Variants in UGGT2 observed in about 807,000 individuals in gnomAD.
UGGT2 encodes the protein UDP-glucose glycoprotein glucosyltransferase 2.
A neutral mutation model predicts 192.1 loss-of-function variants in UGGT2; 180 were observed. The ratio of observed to expected loss-of-function variants is 0.94; its 90% CI spans 0.83 to 1.06. The LOEUF is 1.06. Ranked by LOEUF, UGGT2 falls within the 50% of genes least tolerant of loss-of-function variation. The probability of loss-of-function intolerance (pLI) is 0.00; values close to 1 mark genes in which losing one functional copy is unlikely to be tolerated. For missense variants in UGGT2, 1,849 were observed against 1,795.7 expected (o/e 1.03, Z -0.54); for synonymous variants, 580 against 591.0 (o/e 0.98, Z 0.27).
chr13:96,024,314 C>T (rs2052601768), intron 2 of UGGT2, among the ~76,000 whole-genome samples: 1 of 152,090 alleles, frequency 6.6e-6, no homozygotes, highest in African/African-American at 2.4e-5. Context: ...ACTATAAACC[C>T]TATTCAAAGA....
chr13:95,907,280 C>G (rs185570006), intron 20 of UGGT2, among the ~76,000 whole-genome samples: 10 of 152,198 alleles, frequency 6.6e-5, no homozygotes, highest in Non-Finnish European at 1.5e-4. Flanking sequence ...GGCAGCCCAC[C>G]GCAGCTCAGC....
chr13:95,936,001 G>GT (rs938312603), intron 17 of UGGT2, among the ~76,000 whole-genome samples: 2 of 151,980 alleles, frequency 1.3e-5, no homozygotes, highest in African/African-American at 2.4e-5. Context: ...TAAGTTTTAA[G>GT]TTTTTTTGTA....
At chr13:95,931,009 G>A (rs762620923) in intron 17 of UGGT2, among the ~76,000 whole-genome samples, 5 of 152,126 alleles carry the variant, frequency 3.3e-5, no homozygotes, top group South Asian at 2.1e-4. Flanking sequence ...GGGTTGCCAC[G>A]GCTGGCTTGG....
chr13:95,900,908 A>G lies in UGGT2; in HGVS notation c.2533T>C (p.Tyr845His), dbSNP rs758247143. Reference protein sequence around the residue: ...GMDKNAFEKKYNTVGVNIFRT... With the variant: ...GMDKNAFEKKHNTVGVNIFRT... ...AAAATATTCACTCCAACAGTATTAT[A>G]TTTTTTCTCAAAAGCATTCTTATCC... The change falls in exon 22 of 39, where the codon TAT (tyrosine) becomes CAT (histidine). Residue 845 changes from tyrosine (Y) to histidine (H), a missense_variant. By Grantham distance (83) the Tyr-to-His change is moderately conservative (BLOSUM62 2). Coordinates refer to ENST00000376747, the MANE Select transcript of UGGT2 (RefSeq NM_020121.4). The G allele has an allele frequency of 2.5e-6, 4 of 1,601,792 alleles. No individual in the cohort carries two copies. In the South Asian group the frequency reaches 3.4e-5, roughly 13 times the overall value.
chr13:96,047,399 G>C (rs2053348298), intron 1 of UGGT2, among the ~76,000 whole-genome samples: 1 of 152,232 alleles, frequency 6.6e-6, no homozygotes, highest in Non-Finnish European at 1.5e-5. Flanking sequence ...CAGACCTGCA[G>C]CTGAGGGTCC....
chr13:95,987,647 C>T (rs1459361381), intron 8 of UGGT2, among the ~76,000 whole-genome samples: 4 of 152,064 alleles, frequency 2.6e-5, no homozygotes, highest in Non-Finnish European at 4.4e-5. Context: ...TAGACAAGAG[C>T]TTCACAAACC....
At chr13:95,924,434 C>A (rs962079306) in intron 20 of UGGT2, among the ~76,000 whole-genome samples, 1 of 68,980 alleles carries the variant, frequency 1.4e-5, no homozygotes, top group East Asian at 4.3e-4. Context: ...TGAAATTTTC[C>A]GGTCTGCAGG....
chr13:95,869,775 T>C (rs769509398), intron 29 of UGGT2, among the ~76,000 whole-genome samples: 14 of 152,262 alleles, frequency 9.2e-5, no homozygotes, highest in Non-Finnish European at 1.5e-4. Context: ...ATGGACTTCA[T>C]TGATAAGGCA....
intron 5 of UGGT2, among the ~76,000 whole-genome samples, chr13:96,003,624 CAT>C (rs1469978693): frequency 2.0e-5 from 3 of 152,130 alleles, no homozygotes; most frequent in Non-Finnish European, 2.9e-5. Context: ...GACCCTAAGC[CAT>C]CATGATGTGA....
chr13:95,862,415 T>G (rs1352583798), intron 31 of UGGT2, among the ~76,000 whole-genome samples: 1 of 152,206 alleles, frequency 6.6e-6, no homozygotes, highest in African/African-American at 2.4e-5. Flanking sequence ...CTTTACAATG[T>G]GCATCTACAG....
chr13:95,821,672 T>C (rs921178472), intron 38 of UGGT2, among the ~76,000 whole-genome samples: 4 of 152,128 alleles, frequency 2.6e-5, no homozygotes, highest in Non-Finnish European at 4.4e-5. Context: ...GTTTTTCCAG[T>C]GTTATTGTCT....
chr13:95,942,221 G>GGTGTGTGT (rs370041064), intron 15 of UGGT2, among the ~76,000 whole-genome samples: 1,210 of 117,984 alleles, frequency 0.01, 11 homozygotes, highest in African/African-American at 0.019. Flanking sequence ...TTAGGGTGAG[G>GGTGTGTGT]GTGTGTGTGT....
At chr13:95,873,570 A>G (rs1891406582) in intron 29 of UGGT2, among the ~76,000 whole-genome samples, 1 of 152,112 alleles carries the variant, frequency 6.6e-6, no homozygotes, top group Admixed American at 6.5e-5. Flanking sequence ...ATTCCCTTAT[A>G]TATACTGCTA....
At chr13:95,880,295 T>C (rs181417747) in intron 27 of UGGT2, among the ~76,000 whole-genome samples, 1 of 152,348 alleles carries the variant, frequency 6.6e-6, no homozygotes, top group East Asian at 1.9e-4. Flanking sequence ...GCAGACACAT[T>C]TTCCCAAGTT....
intron 30 of UGGT2, 104 bp from the exon 31 acceptor site, chr13:95,863,818 G>A: frequency 1.1e-6 from 1 of 889,486 alleles, no homozygotes; most frequent in South Asian, 1.4e-5. Context: ...AGAAATCTAA[G>A]ATTGACAGTT....
Position 96,047,471 on chromosome 13 carries a change from G to A in UGGT2, c.158+5684C>T, listed in dbSNP as rs151266244. 1.1e-3 allele frequency among the ~76,000 whole-genome samples: 175 copies of A among 152,262 alleles called. 4 individuals carry two copies. In the East Asian group the frequency reaches 0.022, roughly 19 times the overall value. On this transcript the variant is annotated intron_variant, in intron 1 of 38. Transcript: ENST00000376747. ...ATCCACACCAAAATCCCATCTGTACGTCACCATCATCAAAGACCAAAGGTA... is the reference window on the plus strand; with the variant it reads ...ATCCACACCAAAATCCCATCTGTACATCACCATCATCAAAGACCAAAGGTA...
At chr13:95,992,199 T>A (rs1170551799) in intron 7 of UGGT2, among the ~76,000 whole-genome samples, 2 of 152,270 alleles carry the variant, frequency 1.3e-5, no homozygotes, top group East Asian at 1.9e-4. Context: ...AATAGCCATA[T>A]GAATTTTAGA....
intron 1 of UGGT2, among the ~76,000 whole-genome samples, chr13:96,039,683 G>A (rs2053110621): frequency 6.6e-6 from 1 of 152,134 alleles, no homozygotes; most frequent in Admixed American, 6.5e-5. Flanking sequence ...AATATAGGCA[G>A]CGAGGAGAAA....
intron 38 of UGGT2, among the ~76,000 whole-genome samples, chr13:95,817,747 C>G (rs1437763990): frequency 6.6e-6 from 1 of 151,878 alleles, no homozygotes; most frequent in Admixed American, 6.6e-5. Context: ...AAGATTATAA[C>G]ATTAGAAGCT....
Sources: allele counts gnomAD v4.1 joint callset (sites outside exome capture counted in the v4.1 genomes callset), GRCh38; gene constraint gnomAD v4.1.1; transcripts MANE v1.5; gene names NCBI Gene and HGNC (gene_info 2026-07-23, HGNC 2026-07-21).